The following NAPG variants were observed in gnomAD, a reference collection of about 807,000 sequenced individuals.
The protein encoded by NAPG is NSF attachment protein gamma, also known as gamma-soluble NSF attachment protein.
NAPG carries 25 observed loss-of-function variants against 48.4 expected under a neutral mutation model. That is an observed-to-expected ratio of 0.52 (90% CI 0.38 to 0.72). The LOEUF is 0.72. NAPG is among the 30% of genes least tolerant of loss of function. The probability of loss-of-function intolerance (pLI) is 0.00; values close to 1 mark genes in which losing one functional copy is unlikely to be tolerated. For missense variants in NAPG, 359 were observed against 372.5 expected (o/e 0.96, Z 0.30); for synonymous variants, 139 against 127.2 (o/e 1.09, Z -0.62).
In NAPG at chr18:10,539,899, A is replaced by G. The variant is rs778130334; in HGVS notation, c.368+28A>G. 6.8e-6 allele frequency: 11 copies of G among 1,607,964 alleles called. No individual in the cohort carries two copies. The highest frequency in any genetic ancestry group is 1.3e-5 in the African/African-American group (1 of 74,774). ...GAGTGTGAGATGGACAAGTCTCTGC[A>G]TAGAAGTCTTGTCTTTTTGTTTTAA... On this transcript the variant is annotated intron_variant, in intron 6 of 11. Coordinates refer to ENST00000322897, the MANE Select transcript of NAPG (RefSeq NM_003826.3). The surrounding 1 kb of genome is among the most constrained non-coding windows in gnomAD (Gnocchi z 4.7).
intron 2 of NAPG, 46 bp downstream of exon 2, chr18:10,530,883 TA>T: frequency 7.2e-7 from 1 of 1,384,846 alleles, no homozygotes; most frequent in Non-Finnish European, 9.7e-7. Flanking sequence ...AATCTTAAAA[TA>T]GTCTGATAAC....
At chr18:10,545,964 A>G (rs567676779) in intron 8 of NAPG, among the ~76,000 whole-genome samples, 143 of 152,306 alleles carry the variant, frequency 9.4e-4, no homozygotes, top group African/African-American at 3.2e-3. Flanking sequence ...ATGTTCTTTC[A>G]GTCGGGAGGA....
At chr18:10,533,034 G>C (rs928266582) in intron 3 of NAPG, 3 of 402,318 alleles carry the variant, frequency 7.5e-6, no homozygotes, top group Non-Finnish European at 1.3e-5. Flanking sequence ...GATTTTACTT[G>C]ATGATGGTTT....
intron 1 of NAPG, 164 bp downstream of exon 1, chr18:10,526,322 T>G: frequency 3.0e-6 from 2 of 665,284 alleles, no homozygotes; most frequent in Non-Finnish European, 5.1e-6. Flanking sequence ...TGGGTCACAC[T>G]CCCGGGGTCG....
At chr18:10,526,242 G>GT in intron 1 of NAPG, 84 bp downstream of exon 1, 10 of 694,528 alleles carry the variant, frequency 1.4e-5, no homozygotes, top group East Asian at 3.7e-5. Flanking sequence ...GGGGGGGCGG[G>GT]AGGGAGGGCT....
chr18:10,547,169 A>G (rs1337963003), intron 9 of NAPG, among the ~76,000 whole-genome samples: 1 of 152,254 alleles, frequency 6.6e-6, no homozygotes, highest in Non-Finnish European at 1.5e-5. Context: ...TGCCCTCTGA[A>G]GGGCTTATGC....
At chr18:10,536,643 G>A (rs977969885) in intron 5 of NAPG, among the ~76,000 whole-genome samples, 8 of 152,092 alleles carry the variant, frequency 5.3e-5, no homozygotes, top group African/African-American at 1.7e-4. Flanking sequence ...TTGATTTTAC[G>A]CAAAAACAGG....
rs191829849 is a variant in NAPG at position 10,537,195 on chromosome 18, G to A, written c.259-2567G>A. On this transcript the variant is annotated intron_variant, in intron 5 of 11. Coordinates refer to ENST00000322897, the MANE Select transcript of NAPG (RefSeq NM_003826.3). ...GCTGGGCTCAAACTCCTGGGCTCAA[G>A]TGATACTTCTGCCTCAACCTCCCAA... Among the ~76,000 whole-genome samples, 606 of 152,238 alleles carry A rather than the reference G, an allele frequency of 4.0e-3. 4 individuals are homozygous for A. The highest frequency in any genetic ancestry group is 4.8e-3 in the Non-Finnish European group (328 of 68,010).
rs140221928 is a variant in NAPG, at chr18:10,534,270, A to G, written c.228-196A>G. Among the ~76,000 whole-genome samples, 467 of 152,304 alleles carry G rather than the reference A, an allele frequency of 3.1e-3. 2 individuals carry two copies. Among genetic ancestry groups the G allele is most frequent in the African/African-American group, 0.01 (416 of 41,568 alleles). On this transcript the variant is annotated intron_variant, in intron 4 of 11. Transcript: ENST00000322897. The surrounding 1 kb of genome is among the most constrained non-coding windows in gnomAD (Gnocchi z 5.0). ...AAAATCTCTTTAACTCAAATGTCTG[A>G]TGTTCTAAGCCATTATTCCCCACAA...
intron 1 of NAPG, 91 bp downstream of exon 1, chr18:10,526,249 G>A (rs2031806125): frequency 1.3e-6 from 1 of 787,304 alleles, no homozygotes. Context: ...CGGGAGGGAG[G>A]GCTCAGGGCT....
chr18:10,530,025 T>C (rs7233591), intron 1 of NAPG, among the ~76,000 whole-genome samples: 1 of 151,868 alleles, frequency 6.6e-6, no homozygotes, highest in African/African-American at 2.4e-5. Flanking sequence ...AATAAGAAAA[T>C]AAATATTGAG....
intron 1 of NAPG, 161 bp downstream of exon 1, chr18:10,526,319 C>T (rs1237822868): frequency 1.5e-6 from 1 of 686,770 alleles, no homozygotes; most frequent in Non-Finnish European, 2.4e-6. Context: ...CTCTGGGTCA[C>T]ACTCCCGGGG....
intron 8 of NAPG, among the ~76,000 whole-genome samples, chr18:10,541,819 C>T (rs2032163956): frequency 6.6e-6 from 1 of 152,172 alleles, no homozygotes; most frequent in Admixed American, 6.5e-5. Context: ...TGCATCAGCT[C>T]CCCTGAAGTA....
At chr18:10,528,869 G>T (rs749896416) in intron 1 of NAPG, among the ~76,000 whole-genome samples, 5 of 152,176 alleles carry the variant, frequency 3.3e-5, no homozygotes, top group Non-Finnish European at 7.3e-5. Flanking sequence ...TGGGCCAGGA[G>T]CTTAGGAGAT....
At chr18:10,538,168 A>C (rs1328374436) in intron 5 of NAPG, among the ~76,000 whole-genome samples, 1 of 151,966 alleles carries the variant, frequency 6.6e-6, no homozygotes, top group Non-Finnish European at 1.5e-5. Flanking sequence ...ATTAATAGTA[A>C]GATACAGAAT....
chr18:10,547,985 G>A (rs1358081950), intron 9 of NAPG, among the ~76,000 whole-genome samples: 4 of 151,486 alleles, frequency 2.6e-5, no homozygotes, highest in Non-Finnish European at 5.9e-5. Context: ...TCTTTAAAAC[G>A]TGGTTGTGAT....
chr18:10,551,606 A>G lies in NAPG; in HGVS notation c.*1386A>G, dbSNP rs997650479. On this transcript the variant is annotated 3_prime_UTR_variant, in exon 12 of 12. Coordinates refer to ENST00000322897, the MANE Select transcript of NAPG (RefSeq NM_003826.3). ...TGCGTTCTGCAGGTACACGCTGCCA[A>G]AGTAATTCCTGCTCATCCATGCCCT... 1.3e-5 allele frequency: 2 copies of G among 152,206 alleles called. No homozygotes were observed. The highest frequency in any genetic ancestry group is 2.4e-5 in the African/African-American group (1 of 41,444). The allele number at this position is 152,206 out of a possible 1,614,324, so 9.4% of individuals were successfully genotyped here. A position where few individuals can be genotyped will look rare whatever the true frequency, so the allele number is the denominator to read the frequency against.
intron 8 of NAPG, among the ~76,000 whole-genome samples, chr18:10,545,170 G>T (rs181782699): frequency 7.9e-5 from 12 of 152,132 alleles, no homozygotes; most frequent in African/African-American, 2.9e-4. Flanking sequence ...AAATTAGCTG[G>T]GCGTGGTGGT....
chr18:10,537,613 G>A (rs1159031440), intron 5 of NAPG, among the ~76,000 whole-genome samples: 5 of 152,120 alleles, frequency 3.3e-5, no homozygotes, highest in South Asian at 4.2e-4. Flanking sequence ...TTCTTTAAAA[G>A]CCAAAATGAC....
Sources: allele counts gnomAD v4.1 joint callset (sites outside exome capture counted in the v4.1 genomes callset), GRCh38; gene constraint gnomAD v4.1.1; non-coding constraint Gnocchi (gnomAD v3.1); transcripts MANE v1.5; gene names NCBI Gene and HGNC (gene_info 2026-07-23, HGNC 2026-07-21).